MAST4: variants seen among roughly 807,000 people sequenced by gnomAD.
MAST4 encodes the protein microtubule-associated serine/threonine-protein kinase 4.
In MAST4, 89 loss-of-function variants were observed where a neutral mutation model predicts 162.7. The ratio of observed to expected loss-of-function variants is 0.55; its 90% confidence interval spans 0.46 to 0.65. MAST4 has a LOEUF of 0.65. Among genes scored for constraint, MAST4 ranks in the 30% least tolerant of loss-of-function variants. The pLI, the probability that MAST4 is intolerant of heterozygous loss-of-function variation, is 0.00. For missense variants in MAST4, 3,153 were observed against 3,374.0 expected (o/e 0.93, Z 1.62); for synonymous variants, 1,479 against 1,361.1 (o/e 1.09, Z -1.91).
chr5:66,676,739 G>A (rs546529756), intron 1 of MAST4, among the ~76,000 whole-genome samples: 5 of 152,270 alleles, frequency 3.3e-5, no homozygotes, highest in Non-Finnish European at 7.4e-5. Flanking sequence ...TCACGTTAAA[G>A]GCATTTTATT....
chr5:67,063,588 A>G (rs1179994403), intron 5 of MAST4, among the ~76,000 whole-genome samples: 1 of 150,778 alleles, frequency 6.6e-6, no homozygotes, highest in East Asian at 1.9e-4. Flanking sequence ...CCTAATTTTA[A>G]TTTTGAAGCT....
intron 24 of MAST4, among the ~76,000 whole-genome samples, chr5:67,151,888 C>G (rs765352774): frequency 1.7e-4 from 26 of 151,476 alleles, no homozygotes; most frequent in Non-Finnish European, 3.8e-4. Flanking sequence ...TCACCTCAGT[C>G]TCCCACGTAG....
chr5:66,845,777 T>C (rs531766338), intron 3 of MAST4, among the ~76,000 whole-genome samples: 20 of 152,248 alleles, frequency 1.3e-4, no homozygotes, highest in Non-Finnish European at 2.5e-4. Context: ...CAGCACCTGT[T>C]GTTTCCTGAT....
chr5:66,715,346 C>A (rs13161696), intron 1 of MAST4, among the ~76,000 whole-genome samples: 16,454 of 151,874 alleles, frequency 0.11, 1,011 homozygotes, highest in East Asian at 0.27. Flanking sequence ...AACAGTTTGT[C>A]AAAAAATGAT....
At chr5:66,953,636 G>A (rs2097073480) in intron 4 of MAST4, among the ~76,000 whole-genome samples, 1 of 151,976 alleles carries the variant, frequency 6.6e-6, no homozygotes, top group South Asian at 2.1e-4. Flanking sequence ...AAGAAATGTG[G>A]CATGAGAAGC....
intron 8 of MAST4, among the ~76,000 whole-genome samples, chr5:67,101,176 TC>T (rs1023307857): frequency 4.6e-5 from 7 of 152,182 alleles, no homozygotes; most frequent in African/African-American, 1.4e-4. Flanking sequence ...TCAGCATGTT[TC>T]TTAGGGAGTG....
At chr5:66,877,904 T>C (rs25836) in intron 3 of MAST4, among the ~76,000 whole-genome samples, 1 of 151,984 alleles carries the variant, frequency 6.6e-6, no homozygotes, top group African/African-American at 2.4e-5. Context: ...AATGTAAAAC[T>C]TTCTGAAATT....
At chr5:66,665,868 A>T (rs1386954661) in intron 1 of MAST4, among the ~76,000 whole-genome samples, 1 of 152,218 alleles carries the variant, frequency 6.6e-6, no homozygotes, top group Non-Finnish European at 1.5e-5. Flanking sequence ...ATGTTCCTAG[A>T]GCAGTGCCTA....
chr5:66,649,868 C>A (rs1746102254), intron 1 of MAST4, among the ~76,000 whole-genome samples: 1 of 152,154 alleles, frequency 6.6e-6, no homozygotes, highest in African/African-American at 2.4e-5. Context: ...AGTTCGAGAT[C>A]AGTTAGTCAA....
intron 3 of MAST4, among the ~76,000 whole-genome samples, chr5:66,869,172 T>G (rs1478625002): frequency 1.3e-5 from 2 of 152,236 alleles, no homozygotes; most frequent in African/African-American, 4.8e-5. Flanking sequence ...GATAATTATT[T>G]ATTTACATTT....
intron 3 of MAST4, among the ~76,000 whole-genome samples, chr5:66,837,815 T>A (rs1015089939): frequency 6.7e-6 from 1 of 148,594 alleles, no homozygotes. Context: ...TTAAAATGTA[T>A]GTCAGTGCTT....
At chr5:66,638,081 A>G (rs529857252) in intron 1 of MAST4, among the ~76,000 whole-genome samples, 1 of 152,260 alleles carries the variant, frequency 6.6e-6, no homozygotes, top group African/African-American at 2.4e-5. Flanking sequence ...TTCTGTATCA[A>G]ATACCTCACA....
At chr5:66,702,476 G>A (rs1288311781) in intron 1 of MAST4, among the ~76,000 whole-genome samples, 1 of 152,100 alleles carries the variant, frequency 6.6e-6, no homozygotes, top group East Asian at 1.9e-4. Flanking sequence ...GGCCATGGAC[G>A]GATGCTGTGT....
chr5:67,060,987 A>G (rs1759504949), intron 5 of MAST4, among the ~76,000 whole-genome samples: 1 of 152,212 alleles, frequency 6.6e-6, no homozygotes, highest in South Asian at 2.1e-4. Flanking sequence ...CTAATCTTCA[A>G]GGCTTGTTTG....
chr5:66,948,158 T>C (rs1744252535), intron 4 of MAST4, among the ~76,000 whole-genome samples: 1 of 152,098 alleles, frequency 6.6e-6, no homozygotes. Flanking sequence ...AGTTCCCAAG[T>C]TGGCTGAGCA....
intron 1 of MAST4, among the ~76,000 whole-genome samples, chr5:66,608,597 T>G (rs1743063144): frequency 6.6e-6 from 1 of 152,044 alleles, no homozygotes; most frequent in African/African-American, 2.4e-5. Flanking sequence ...TCCCAATCCC[T>G]GCGGAGGAGT....
At chr5:66,757,748 A>G (rs999920965) in intron 1 of MAST4, among the ~76,000 whole-genome samples, 9 of 152,210 alleles carry the variant, frequency 5.9e-5, no homozygotes, top group African/African-American at 2.2e-4. Flanking sequence ...CACTGAGAAT[A>G]TGGGTGTTTA....
chr5:66,825,933 G>GA (rs1757232346), intron 3 of MAST4, among the ~76,000 whole-genome samples: 1 of 152,200 alleles, frequency 6.6e-6, no homozygotes, highest in Middle Eastern at 3.4e-3. Context: ...AAAATCACAG[G>GA]AAAAATGAGT....
rs1238798498 is a variant in MAST4, at chr5:66,715,523, G to A, written c.364-44186G>A. Among the ~76,000 whole-genome samples, 8 of 131,614 alleles carry A rather than the reference G, an allele frequency of 6.1e-5. No individual in the cohort carries two copies. In the East Asian group the frequency reaches 9.3e-4, roughly 15 times the overall value. The allele number at this position is 131,614 out of a possible 152,430, so 86.3% of individuals were successfully genotyped here. ...TGGAGTGGACCGGGGACTGTTGTGG[G>A]GTGGGGGGAGGGGGGAGGTATAGCA... On this transcript the variant is annotated intron_variant, in intron 1 of 28. Coordinates refer to ENST00000403625, the MANE Select transcript of MAST4 (RefSeq NM_001164664.2).
Sources: gnomAD v4.1 joint callset for allele counts (sites outside exome capture counted in the v4.1 genomes callset) on GRCh38, gnomAD v4.1.1 for gene constraint, MANE v1.5 for transcripts, NCBI Gene and HGNC (gene_info 2026-07-23, HGNC 2026-07-21) for gene names.